SAMD3: variants seen among roughly 807,000 people sequenced by gnomAD.
SAMD3 encodes the protein sterile alpha motif domain-containing protein 3.
Under a neutral mutation model 58.5 loss-of-function variants are expected in SAMD3, and 63 were observed. That is an observed-to-expected ratio of 1.08 (90% CI 0.88 to 1.33). The LOEUF is 1.33. SAMD3 is among the 40% of genes most tolerant of loss of function. The probability of loss-of-function intolerance (pLI) is 0.00; values close to 1 mark genes in which losing one functional copy is unlikely to be tolerated. For missense variants in SAMD3, 604 were observed against 608.4 expected (o/e 0.99, Z 0.08); for synonymous variants, 220 against 210.3 (o/e 1.05, Z -0.40).
chr6:130,265,828 A>G (rs1158820017), intron 2 of SAMD3, among the ~76,000 whole-genome samples: 1 of 152,206 alleles, frequency 6.6e-6, no homozygotes, highest in Non-Finnish European at 1.5e-5. Context: ...GCTGTCATTA[A>G]TAGTAATAAG....
intron 2 of SAMD3, among the ~76,000 whole-genome samples, chr6:130,292,352 T>TCTCAGCTCACTGCAAC (rs1315607740): frequency 6.8e-6 from 1 of 146,930 alleles, no homozygotes; most frequent in African/African-American, 2.6e-5. Flanking sequence ...AGTGGCGCAA[T>TCTCAGCTCACTGCAAC]CTCAGCTCAC....
intron 2 of SAMD3, among the ~76,000 whole-genome samples, chr6:130,308,383 C>CTATTCTATTCTATTCTATTCTATT (rs1775999734): frequency 3.6e-5 from 5 of 140,298 alleles, no homozygotes; most frequent in African/African-American, 1.1e-4. Flanking sequence ...CTATTCTATT[C>CTATTCTATTCTATTCTATTCTATT]TATTCTATTC....
chr6:130,169,328 T>A (rs537925854), intron 8 of SAMD3, among the ~76,000 whole-genome samples: 33 of 152,170 alleles, frequency 2.2e-4, no homozygotes, highest in Admixed American at 2.0e-4. Flanking sequence ...AATATTCCAT[T>A]ATAAATAGTT....
At chr6:130,246,510 A>ATT (rs11356571) in intron 2 of SAMD3, among the ~76,000 whole-genome samples, 11 of 147,946 alleles carry the variant, frequency 7.4e-5, no homozygotes, top group Admixed American at 2.7e-4. Flanking sequence ...TTGTATTGGT[A>ATT]TTTTTTTTTT....
At chr6:130,197,445 T>C (rs997831208) in intron 5 of SAMD3, among the ~76,000 whole-genome samples, 2 of 152,248 alleles carry the variant, frequency 1.3e-5, no homozygotes, top group African/African-American at 2.4e-5. Context: ...GGTAGGACTA[T>C]GCTGAATCTC....
intron 2 of SAMD3, among the ~76,000 whole-genome samples, chr6:130,311,968 C>T (rs1776187583): frequency 6.6e-6 from 1 of 152,074 alleles, no homozygotes; most frequent in South Asian, 2.1e-4. Context: ...CAGAAAGCAT[C>T]CCTTTGCTTC....
At chr6:130,261,722 GA>G (rs1774146986) in intron 2 of SAMD3, among the ~76,000 whole-genome samples, 1 of 152,146 alleles carries the variant, frequency 6.6e-6, no homozygotes, top group Admixed American at 6.5e-5. Context: ...ATGACACCAG[GA>G]AAACTTAAAA....
At chr6:130,170,851 T>C (rs1278381768) in intron 8 of SAMD3, among the ~76,000 whole-genome samples, 1 of 152,204 alleles carries the variant, frequency 6.6e-6, no homozygotes, top group Non-Finnish European at 1.5e-5. Context: ...GGCGAGATGA[T>C]GGTGTTTTCT....
Position 130,209,575 on chromosome 6 carries a change from C to T in SAMD3, c.303G>A (p.Arg101=). The T allele has an allele frequency of 4.3e-6, 7 of 1,613,738 alleles. No individual in the cohort carries two copies. The highest frequency in any genetic ancestry group is 5.9e-6 in the Non-Finnish European group (7 of 1,179,650). Residue 101 remains arginine, a synonymous_variant, in exon 5 of 12, where the codon AGG becomes AGA. Coordinates refer to ENST00000439090, the MANE Select transcript of SAMD3 (RefSeq NM_001017373.4). ...YRDEESSSPA[R]HGEQMPSFYP... ...AGAAAGATGGCATCTGCTCCCCATG[C>T]CTGGCTGGACTGGAGGACTCTTCAT...
chr6:130,334,725 T>C (rs1446830823), intron 1 of SAMD3, among the ~76,000 whole-genome samples: 1 of 152,208 alleles, frequency 6.6e-6, no homozygotes, highest in Non-Finnish European at 1.5e-5. Context: ...TATTCAACAA[T>C]GCTGGTTTCT....
intron 2 of SAMD3, among the ~76,000 whole-genome samples, chr6:130,252,552 C>T (rs886721233): frequency 2.6e-5 from 4 of 152,158 alleles, no homozygotes; most frequent in South Asian, 2.1e-4. Flanking sequence ...ATCTTGCCCT[C>T]GTCTGATTTA....
chr6:130,258,232 A>G (rs1773991795), intron 2 of SAMD3, among the ~76,000 whole-genome samples: 1 of 152,080 alleles, frequency 6.6e-6, no homozygotes, highest in South Asian at 2.1e-4. Context: ...TTAATGGCAT[A>G]TTGTTTTCTC....
chr6:130,171,493 C>G (rs562222864), intron 8 of SAMD3, among the ~76,000 whole-genome samples: 1 of 152,210 alleles, frequency 6.6e-6, no homozygotes, highest in African/African-American at 2.4e-5. Flanking sequence ...CAGGAGCAGG[C>G]TGTTCAATTT....
Position 130,145,473 on chromosome 6 carries a change from T to C in SAMD3, c.1196-51A>G. ...TGAAGTAAAAATAAGCTTTTAGCAA[T>C]TGTAAGCTAAGCTAGTATTGAAACA... On this transcript the variant is annotated intron_variant, in intron 10 of 11. Transcript: ENST00000439090. The C allele has an allele frequency of 3.1e-6, 4 of 1,293,422 alleles. No homozygotes were observed. The East Asian group carries it at 7.1e-5, about 23-fold the overall frequency. 80.1% of individuals were successfully genotyped at this position (1,293,422 alleles called of 1,614,324 possible).
intron 2 of SAMD3, among the ~76,000 whole-genome samples, chr6:130,269,176 A>G (rs918507966): frequency 6.6e-6 from 1 of 152,146 alleles, no homozygotes; most frequent in Non-Finnish European, 1.5e-5. Flanking sequence ...TTTTGCCTAT[A>G]TACGTTCAAT....
At chr6:130,318,456 T>C (rs1776467303) in intron 1 of SAMD3, among the ~76,000 whole-genome samples, 1 of 152,202 alleles carries the variant, frequency 6.6e-6, no homozygotes, top group South Asian at 2.1e-4. Context: ...TGAGACAAAG[T>C]CTCACTCTGT....
At chr6:130,302,160 G>C (rs952913323) in intron 2 of SAMD3, among the ~76,000 whole-genome samples, 9 of 151,996 alleles carry the variant, frequency 5.9e-5, no homozygotes, top group African/African-American at 2.2e-4. Flanking sequence ...ACAATCAATA[G>C]AATAAACAGA....
At chr6:130,178,037 C>A (rs531018318) in intron 7 of SAMD3, among the ~76,000 whole-genome samples, 1 of 152,040 alleles carries the variant, frequency 6.6e-6, no homozygotes, top group South Asian at 2.1e-4. Context: ...TGCAATGGCG[C>A]AATCTTGGCT....
At chr6:130,156,834 C>G (rs1017412563) in intron 8 of SAMD3, among the ~76,000 whole-genome samples, 2 of 151,902 alleles carry the variant, frequency 1.3e-5, no homozygotes, top group African/African-American at 4.8e-5. Context: ...GTTGGGAGGC[C>G]GAGGCGGGTG....
Sources: gnomAD v4.1 joint callset for allele counts (sites outside exome capture counted in the v4.1 genomes callset) on GRCh38, gnomAD v4.1.1 for gene constraint, MANE v1.5 for transcripts, NCBI Gene and HGNC (gene_info 2026-07-23, HGNC 2026-07-21) for gene names.